The following PIK3CD variants were observed in gnomAD, a reference collection of about 807,000 sequenced individuals.
PIK3CD encodes the protein phosphatidylinositol 4,5-bisphosphate 3-kinase catalytic subunit delta isoform.
PIK3CD carries 20 observed loss-of-function variants against 122.9 expected under a neutral mutation model. The ratio of observed to expected loss-of-function variants is 0.16; its 90% CI spans 0.11 to 0.24. The LOEUF (loss-of-function observed/expected upper bound fraction) is 0.24. Ranked by LOEUF, PIK3CD falls within the 10% of genes least tolerant of loss-of-function variation. The pLI is 1.00. For synonymous variants in PIK3CD, 596 were observed against 593.4 expected (o/e 1.00, Z -0.06); for missense variants, 787 against 1,406.3 (o/e 0.56, Z 7.04).
intron 1 of PIK3CD, among the ~76,000 whole-genome samples, chr1:9,674,158 T>C (rs1421756521): frequency 1.3e-5 from 2 of 152,178 alleles, no homozygotes; most frequent in Non-Finnish European, 2.9e-5. Flanking sequence ...CCTCCGGGAC[T>C]AGGGGAAGCC....
intron 1 of PIK3CD, among the ~76,000 whole-genome samples, chr1:9,686,446 C>T (rs1036795607): frequency 6.6e-6 from 1 of 151,900 alleles, no homozygotes; most frequent in African/African-American, 2.4e-5. Flanking sequence ...AAATGATCCT[C>T]CCACCTCGGC....
intron 1 of PIK3CD, among the ~76,000 whole-genome samples, chr1:9,665,073 G>A (rs1645117482): frequency 6.6e-6 from 1 of 151,876 alleles, no homozygotes; most frequent in Admixed American, 6.6e-5. Flanking sequence ...GTGTGGTGGT[G>A]TGCACCTGTG....
intron 1 of PIK3CD, among the ~76,000 whole-genome samples, chr1:9,658,027 T>C (rs1425439462): frequency 2.0e-5 from 3 of 152,110 alleles, no homozygotes; most frequent in Non-Finnish European, 4.4e-5. Context: ...GGTCATGAAA[T>C]CTGGAAGAAG....
chr1:9,717,614 C>A lies in PIK3CD; in HGVS notation c.1008C>A (p.Asp336Glu). 1 of 1,614,024 alleles carries A rather than the reference C, an allele frequency of 6.2e-7. No individual in the cohort carries two copies. Among genetic ancestry groups the A allele is most frequent in the African/African-American group, 1.3e-5 (1 of 75,054 alleles). Residue 336 changes from aspartate to glutamate, a missense_variant, in exon 8 of 24, where the codon GAC (aspartate) becomes GAA (glutamate). By Grantham distance (45) the Asp-to-Glu change is conservative (BLOSUM62 2). Transcript: ENST00000377346. The surrounding 1 kb of genome is among the most constrained non-coding windows in gnomAD (Gnocchi z 5.4). ...TCCAGGGCAGCAAAGTGAACGCCGA[C>A]GAGCGGATGAAGGTGGGGCTCCTGG... is the stretch of plus-strand genomic sequence containing the variant. ...ELIQGSKVNA[D>E]ERMKLVVQAG...
In PIK3CD at chr1:9,720,658, G is replaced by C. The variant is rs1199483539; in HGVS notation, c.1518G>C (p.Glu506Asp). 1 of 1,541,618 alleles carries C rather than the reference G, an allele frequency of 6.5e-7. No individual in the cohort carries two copies. Among genetic ancestry groups the C allele is most frequent in the East Asian group, 2.4e-5 (1 of 40,876 alleles). The change falls in exon 12 of 24, where the codon GAG becomes GAC. Residue 506 changes from glutamate (E) to aspartate (D), a missense_variant. Physicochemically the swap from Glu to Asp is conservative, Grantham distance 45. Around this residue, in one of 6 missense-constraint regions of PIK3CD, gnomAD observed 592 missense variants for 920.6 expected, o/e 0.64. Transcript: ENST00000377346. The surrounding 1 kb of genome is among the most constrained non-coding windows in gnomAD (Gnocchi z 9.0). ...RHSECVHVTEEEQLQLREILE... is the reference protein window; with the variant it reads ...RHSECVHVTEDEQLQLREILE... ...GCGAGTGTGTGCATGTCACCGAGGA[G>C]GAGGTGAGTGGGGTGGGGGTGTGGG... is the stretch of plus-strand genomic sequence containing the variant.
chr1:9,720,013 C>T lies in PIK3CD; in HGVS notation c.1335C>T (p.Val445=). 1.2e-6 allele frequency: 2 copies of T among 1,613,522 alleles called. No individual in the cohort carries two copies. The highest frequency in any genetic ancestry group is 2.2e-5 in the East Asian group (1 of 44,876). The change falls in exon 10 of 24, where the codon GTC becomes GTT. Residue 445 remains valine, a synonymous_variant. Transcript: ENST00000377346. This position sits in a 1 kb window ranked among gnomAD's most constrained non-coding sequence, Gnocchi z 9.0. The part of the protein sequence containing the change: ...GERCLYMWPS[V]PDEKGELLNP... The stretch of plus-strand genomic sequence containing the variant: ...GCTGCCTCTACATGTGGCCCTCCGT[C>T]CCAGGTCGGCCCAGGCCCAGGAGGG...
At chr1:9,697,809 G>A (rs1487524210) in intron 2 of PIK3CD, among the ~76,000 whole-genome samples, 2 of 151,860 alleles carry the variant, frequency 1.3e-5, no homozygotes, top group Non-Finnish European at 2.9e-5. Context: ...GGCGGGTGGA[G>A]CACTTGAAGT....
chr1:9,668,455 T>G (rs1257790532), intron 1 of PIK3CD, among the ~76,000 whole-genome samples: 11 of 151,426 alleles, frequency 7.3e-5, no homozygotes, highest in Non-Finnish European at 1.6e-4. Context: ...TTTTTTTTTT[T>G]GGTTTGGCAA....
At chr1:9,654,125 C>T (rs1644765445) in intron 1 of PIK3CD, 1 of 1,204,828 alleles carries the variant, frequency 8.3e-7, no homozygotes, top group African/African-American at 1.6e-5. Context: ...CTAAGCTAGC[C>T]TCCTTCTGAG....
chr1:9,629,975 A>T, the PIK3CD span, among the ~76,000 whole-genome samples: 2 of 152,230 alleles, frequency 1.3e-5, no homozygotes, highest in Non-Finnish European at 2.9e-5. Flanking sequence ...CGGGGGTCAG[A>T]GGCGCCCAGG....
rs1339375065 is a variant in PIK3CD at position 9,652,345 on chromosome 1, T to G, written c.-138+543T>G. ...ACAGTTCGCCGGCGCCCGGGTCCTG[T>G]GCGCCCTTCCCAGCCTGGGCAAGTG... On this transcript the variant is annotated intron_variant, in intron 1 of 23. Transcript: ENST00000377346. This position sits in a 1 kb window ranked among gnomAD's most constrained non-coding sequence, Gnocchi z 6.2. Among the ~76,000 whole-genome samples the G allele has an allele frequency of 6.6e-6, 1 of 152,048 alleles. No individual in the cohort carries two copies. The highest frequency in any genetic ancestry group is 1.5e-5 in the Non-Finnish European group (1 of 67,986).
chr1:9,725,004 T>G (rs1649286501), intron 23 of PIK3CD, 68 bp downstream of exon 23: 6 of 1,588,004 alleles, frequency 3.8e-6, no homozygotes, highest in Non-Finnish European at 5.2e-6. Context: ...CAATGTGACC[T>G]AGGAGGGCCC....
chr1:9,673,251 CTAATTTTT>C lies in PIK3CD; in HGVS notation c.-137-18214_-137-18207del, dbSNP rs199705050. Among the ~76,000 whole-genome samples, 1,191 of 151,858 alleles carry C rather than the reference CTAATTTTT, an allele frequency of 7.8e-3. 36 individuals are homozygous for C. The highest frequency in any genetic ancestry group is 0.049 in the Admixed American group (750 of 15,194). On this transcript the variant is annotated intron_variant, in intron 1 of 23. Transcript: ENST00000377346. ...GTAAGCAGGGATCACACACACCTGG[CTAATTTTT>C]TTATTTTTTTAATTTTTTGAAACAG...
intron 1 of PIK3CD, chr1:9,687,618 G>C (rs1646018934): frequency 1.3e-5 from 2 of 152,138 alleles, no homozygotes; most frequent in South Asian, 4.1e-4. Context: ...TCCAGCCCCC[G>C]GCCCGGGCTC....
rs1287665655 is a variant in PIK3CD at position 9,716,497 on chromosome 1, G to T, written c.658G>T (p.Ala220Ser). 1.2e-6 allele frequency: 2 copies of T among 1,610,968 alleles called. No homozygotes were observed. The highest frequency in any genetic ancestry group is 1.7e-6 in the Non-Finnish European group (2 of 1,179,912). The change falls in exon 6 of 24, where the codon GCC (alanine) becomes TCC (serine). Residue 220 changes from alanine (A) to serine (S), a missense_variant. By Grantham distance (99) the Ala-to-Ser change is moderately conservative (BLOSUM62 1). Around this residue, in one of 6 missense-constraint regions of PIK3CD, gnomAD observed 592 missense variants for 920.6 expected, o/e 0.64. Transcript: ENST00000377346. The stretch of plus-strand genomic sequence containing the variant: ...CGTGCCGCTGGCGCTGATGGCCTGT[G>T]CCCTGCGGAAGAAGGCCACAGTGTT... ...KDVPLALMACALRKKATVFRQ... is the reference protein window; with the variant it reads ...KDVPLALMACSLRKKATVFRQ...
At chr1:9,640,495 G>A in the PIK3CD span, among the ~76,000 whole-genome samples, 2 of 112,026 alleles carry the variant, frequency 1.8e-5, no homozygotes, top group South Asian at 2.8e-4. Context: ...CAGGAGAATC[G>A]CTTGACCAGG....
At chr1:9,641,417 T>C in the PIK3CD span, among the ~76,000 whole-genome samples, 2 of 152,182 alleles carry the variant, frequency 1.3e-5, no homozygotes, top group African/African-American at 4.8e-5. Flanking sequence ...GGTACATTAT[T>C]GTTCCCTTGT....
At chr1:9,657,797 T>C (rs1644902472) in intron 1 of PIK3CD, among the ~76,000 whole-genome samples, 1 of 152,046 alleles carries the variant, frequency 6.6e-6, no homozygotes, top group Non-Finnish European at 1.5e-5. Context: ...GCTCAGATGG[T>C]GACACAGACA....
At chr1:9,677,221 C>CG (rs1645572098) in intron 1 of PIK3CD, among the ~76,000 whole-genome samples, 1 of 152,038 alleles carries the variant, frequency 6.6e-6, no homozygotes, top group African/African-American at 2.4e-5. Context: ...TGACACTTGA[C>CG]GGGGGGACTG....
Sources: allele counts gnomAD v4.1 joint callset (sites outside exome capture counted in the v4.1 genomes callset), GRCh38; gene constraint gnomAD v4.1.1; regional missense constraint gnomAD v4.1.1; non-coding constraint Gnocchi (gnomAD v3.1); transcripts MANE v1.5; gene names NCBI Gene and HGNC (gene_info 2026-07-23, HGNC 2026-07-21).